ABR: variants seen among roughly 807,000 people sequenced by gnomAD.
ABR encodes active breakpoint cluster region-related protein.
In ABR, 35 loss-of-function variants were observed where a neutral mutation model predicts 107.2. The ratio of observed to expected loss-of-function variants is 0.33; its 90% CI spans 0.25 to 0.43. ABR has a LOEUF of 0.43. Among genes scored for constraint, ABR ranks in the 20% least tolerant of loss-of-function variants. The pLI, the probability that ABR is intolerant of heterozygous loss-of-function variation, is 1.00. For synonymous variants in ABR, 498 were observed against 462.0 expected, an observed-to-expected ratio of 1.08 and a Z score of -1.00; for missense variants, 815 against 1,115.2, an observed-to-expected ratio of 0.73 and a Z score of 3.83.
intron 1 of ABR, among the ~76,000 whole-genome samples, chr17:1,130,469 C>T (rs1046422321): frequency 5.3e-5 from 8 of 151,988 alleles, no homozygotes; most frequent in Non-Finnish European, 1.2e-4. Flanking sequence ...GCCCCCCATT[C>T]ACTTAGGGAC....
intron 1 of ABR, among the ~76,000 whole-genome samples, chr17:1,153,387 AT>A (rs2040882323): frequency 1.9e-5 from 2 of 103,716 alleles, no homozygotes; most frequent in Admixed American, 9.7e-5. Context: ...AGGGCTGGGG[AT>A]CCAGGCACAC....
At chr17:1,119,713 G>A (rs939083620) in intron 2 of ABR, among the ~76,000 whole-genome samples, 7 of 152,296 alleles carry the variant, frequency 4.6e-5, no homozygotes, top group Admixed American at 2.0e-4. Context: ...ACAAGTGACC[G>A]TGCACACCTC....
At chr17:1,104,364 A>T (rs1260716367) in intron 2 of ABR, among the ~76,000 whole-genome samples, 1 of 152,202 alleles carries the variant, frequency 6.6e-6, no homozygotes, top group Non-Finnish European at 1.5e-5. Flanking sequence ...GGCTAAATAA[A>T]GCCTCCAAAC....
At chr17:1,040,342 C>A (rs2030165914) in intron 16 of ABR, among the ~76,000 whole-genome samples, 1 of 152,196 alleles carries the variant, frequency 6.6e-6, no homozygotes, top group Non-Finnish European at 1.5e-5. Flanking sequence ...TCCTCGTGCT[C>A]TCCAGAGTAA....
intron 16 of ABR, among the ~76,000 whole-genome samples, chr17:1,020,283 G>C (rs373997022): frequency 6.6e-6 from 1 of 152,080 alleles, no homozygotes; most frequent in Non-Finnish European, 1.5e-5. Flanking sequence ...GGGTTTCACC[G>C]TGTTGGCCAG....
intron 1 of ABR, among the ~76,000 whole-genome samples, chr17:1,162,079 C>T (rs1186844504): frequency 6.6e-6 from 1 of 152,218 alleles, no homozygotes; most frequent in East Asian, 1.9e-4. Context: ...GTTGCAATTT[C>T]TCTTTCCTTT....
At chr17:1,137,205 G>A (rs1422369809) in intron 1 of ABR, among the ~76,000 whole-genome samples, 4 of 151,924 alleles carry the variant, frequency 2.6e-5, no homozygotes, top group South Asian at 4.2e-4. Flanking sequence ...CACCACGCCC[G>A]GCTAATTTCT....
At chr17:1,212,855 C>T (rs2042929587) in intron 1 of ABR, among the ~76,000 whole-genome samples, 1 of 151,644 alleles carries the variant, frequency 6.6e-6, no homozygotes, top group South Asian at 2.1e-4. Context: ...CTCCACTTCA[C>T]TCCAGCCTGG....
intron 1 of ABR, among the ~76,000 whole-genome samples, chr17:1,198,361 A>G (rs943650582): frequency 1.3e-5 from 2 of 151,614 alleles, no homozygotes; most frequent in Non-Finnish European, 2.9e-5. Flanking sequence ...AAAAAGGAAG[A>G]GGTTCTGTCT....
chr17:1,229,198 G>A (rs1433719625), exon 1 of ABR, among the ~76,000 whole-genome samples: 9 of 151,574 alleles, frequency 5.9e-5, no homozygotes, highest in African/African-American at 2.2e-4. Context: ...GCCGCCTGGG[G>A]GTCCCCGAGG....
At chr17:1,077,904 G>T (rs1014053544) in intron 6 of ABR, among the ~76,000 whole-genome samples, 15 of 152,194 alleles carry the variant, frequency 9.9e-5, no homozygotes, top group Non-Finnish European at 1.9e-4. Context: ...GCCACAGGCA[G>T]GCAGGGCACC....
chr17:1,075,813 G>A (rs1423593755), intron 6 of ABR, among the ~76,000 whole-genome samples: 7 of 152,322 alleles, frequency 4.6e-5, no homozygotes, highest in Middle Eastern at 3.4e-3. Flanking sequence ...AGGCCGAAGC[G>A]GGTGGATCAT....
chr17:1,090,132 G>A (rs1291204105), intron 4 of ABR, among the ~76,000 whole-genome samples: 1 of 152,186 alleles, frequency 6.6e-6, no homozygotes, highest in African/African-American at 2.4e-5. Context: ...GGCCAGACGA[G>A]AGGGGGAAGG....
chr17:1,226,652 G>A (rs1413649406), intron 1 of ABR, among the ~76,000 whole-genome samples: 1 of 151,698 alleles, frequency 6.6e-6, no homozygotes, highest in Non-Finnish European at 1.5e-5. Context: ...GTGTGAATGT[G>A]TGCATGTATG....
At chr17:1,195,230 C>T (rs981564901) in intron 1 of ABR, among the ~76,000 whole-genome samples, 1 of 140,328 alleles carries the variant, frequency 7.1e-6, no homozygotes, top group Non-Finnish European at 1.5e-5. Context: ...TGGCGTGAAC[C>T]CGGAAGGCGG....
Position 1,196,638 on chromosome 17 carries a change from A to T in ABR, c.838+32155T>A, listed in dbSNP as rs936860204. ...AAAAATCCTGTCAGTGCTCTGAACA[A>T]GGCTCGAGTCCCTGGGAGAAGACGG... On this transcript the variant is annotated intron_variant, in intron 1 of 22. Coordinates refer to the ABR transcript ENST00000574139. Among the ~76,000 whole-genome samples, 19 of 151,488 alleles carry T rather than the reference A, an allele frequency of 1.3e-4. 1 individual carries two copies. The highest frequency in any genetic ancestry group is 3.4e-3 in the Middle Eastern group (1 of 290).
chr17:1,131,182 T>TC (rs2039813587), intron 1 of ABR, among the ~76,000 whole-genome samples: 1 of 116,030 alleles, frequency 8.6e-6, no homozygotes, highest in Non-Finnish European at 1.7e-5. Flanking sequence ...AGCTCCCCCC[T>TC]TTGCACACCA....
At chr17:1,142,202 G>A (rs1056282594) in intron 1 of ABR, among the ~76,000 whole-genome samples, 2 of 152,160 alleles carry the variant, frequency 1.3e-5, no homozygotes, top group African/African-American at 4.8e-5. Flanking sequence ...CCTGTTAAAA[G>A]CTCCCCAGGT....
At chr17:1,079,924 C>T (rs988157741) in intron 5 of ABR, among the ~76,000 whole-genome samples, 2 of 150,514 alleles carry the variant, frequency 1.3e-5, no homozygotes, top group African/African-American at 4.9e-5. Context: ...AGTCCAGTGG[C>T]TGGGGCGTGG....
Sources: gnomAD v4.1 joint callset for allele counts (sites outside exome capture counted in the v4.1 genomes callset) on GRCh38, gnomAD v4.1.1 for gene constraint, MANE v1.5 for transcripts, NCBI Gene and HGNC (gene_info 2026-07-23, HGNC 2026-07-21) for gene names.